WDR64: variants seen among roughly 807,000 people sequenced by gnomAD.
The protein encoded by WDR64 is WD repeat domain 64.
In WDR64, 112 loss-of-function variants were observed where a neutral mutation model predicts 139.3. The ratio of observed to expected loss-of-function variants is 0.80; its 90% CI spans 0.69 to 0.94. The LOEUF is 0.94. Among genes scored for constraint, WDR64 ranks in the 40% least tolerant of loss-of-function variants. WDR64 has a pLI of 0.00. For synonymous variants in WDR64, 444 were observed against 437.7 expected (o/e 1.01, Z -0.18); for missense variants, 1,206 against 1,293.1 (o/e 0.93, Z 1.03).
intron 8 of WDR64, among the ~76,000 whole-genome samples, chr1:241,690,568 C>T (rs1667180497): frequency 6.6e-6 from 1 of 152,030 alleles, no homozygotes; most frequent in Non-Finnish European, 1.5e-5. Flanking sequence ...CCTCAGAAAT[C>T]ATAAGCAAGA....
intron 25 of WDR64, among the ~76,000 whole-genome samples, chr1:241,794,743 G>A (rs981986630): frequency 6.6e-6 from 1 of 151,924 alleles, no homozygotes; most frequent in Non-Finnish European, 1.5e-5. Context: ...TTTTGACCTC[G>A]TGATCTGCCC....
intron 10 of WDR64, among the ~76,000 whole-genome samples, chr1:241,734,038 GA>G (rs1321975975): frequency 1.4e-4 from 21 of 152,164 alleles, no homozygotes; most frequent in Admixed American, 1.4e-3. Context: ...GTCAATCTGG[GA>G]ACTGCTTAGG....
chr1:241,763,148 A>C (rs1481035781), intron 15 of WDR64, among the ~76,000 whole-genome samples: 2 of 152,188 alleles, frequency 1.3e-5, no homozygotes, highest in Non-Finnish European at 2.9e-5. Flanking sequence ...ATTTATAGCT[A>C]ATAAAAACAG....
At chr1:241,764,574 G>C (rs1479947939) in intron 15 of WDR64, among the ~76,000 whole-genome samples, 1 of 151,938 alleles carries the variant, frequency 6.6e-6, no homozygotes, top group Non-Finnish European at 1.5e-5. Context: ...GGTGGGAGGA[G>C]TGCTTGAGCC....
Position 241,689,973 on chromosome 1 carries a change from G to A in WDR64, c.974+2378G>A, listed in dbSNP as rs187337031. Among the ~76,000 whole-genome samples the A allele has an allele frequency of 4.0e-3, 614 of 152,084 alleles. 4 individuals are homozygous for A. Among genetic ancestry groups the A allele is most frequent in the African/African-American group, 0.014 (585 of 41,492 alleles). On this transcript the variant is annotated intron_variant, in intron 8 of 27. Transcript: ENST00000437684. ...AAAACTGTGGGCAACTGTGAAAAGT[G>A]TAACATATGTGTGATGAGAACACCA... is the stretch of plus-strand genomic sequence containing the variant.
rs758183392 is a variant in WDR64, at chr1:241,683,519, C to CT, written c.658dup (p.Cys220LeufsTer12). On this transcript the variant is annotated frameshift_variant, in exon 7 of 28. Coordinates refer to ENST00000437684, the MANE Select transcript of WDR64 (RefSeq NM_001367482.1). LOFTEE classifies it high-confidence loss of function. ...ATTTTGTCATAAAACCAATGGATCA[C>CT]TGCCTCCTGTGTGTGTGTGTGGTGC... 7 of 1,551,602 alleles carry CT rather than the reference C, an allele frequency of 4.5e-6. No individual in the cohort carries two copies. The Admixed American group carries it at 1.4e-4, about 30-fold the overall frequency.
At chr1:241,673,556 C>T (rs1666326696) in intron 3 of WDR64, among the ~76,000 whole-genome samples, 1 of 152,182 alleles carries the variant, frequency 6.6e-6, no homozygotes, top group Non-Finnish European at 1.5e-5. Flanking sequence ...CAATTATATA[C>T]TACATGCGTA....
At chr1:241,682,137 C>T (rs1241780778) in intron 6 of WDR64, among the ~76,000 whole-genome samples, 1 of 152,096 alleles carries the variant, frequency 6.6e-6, no homozygotes, top group African/African-American at 2.4e-5. Flanking sequence ...TAATTAAGTC[C>T]CAGCTATTTA....
chr1:241,656,878 G>GTGTGTA lies in WDR64; in HGVS notation c.146-3647_146-3646insATGTGT, dbSNP rs71174827. Among the ~76,000 whole-genome samples the GTGTGTA allele has an allele frequency of 0.46, 62,616 of 136,156 alleles. 13,883 individuals carry two copies. The highest frequency in any genetic ancestry group is 0.54 in the South Asian group (2,123 of 3,944). The allele number at this position is 136,156 out of a possible 152,430, so 89.3% of individuals were successfully genotyped here. On this transcript the variant is annotated intron_variant, in intron 1 of 27. Transcript: ENST00000437684. This position sits in a 1 kb window ranked among gnomAD's most constrained non-coding sequence, Gnocchi z 4.3. ...CAAGTCTTTGCCAAATGTTGTGTGT[G>GTGTGTA]TGTGTGTGTGTGTGTGTGTGTGTGT...
At chr1:241,696,094 A>T in intron 8 of WDR64, among the ~76,000 whole-genome samples, 1 of 127,372 alleles carries the variant, frequency 7.9e-6, no homozygotes. Context: ...AGCCTGTGGA[A>T]TGGAATGAGA....
chr1:241,714,098 C>T (rs1020531384), intron 9 of WDR64, among the ~76,000 whole-genome samples: 2 of 152,146 alleles, frequency 1.3e-5, no homozygotes, highest in African/African-American at 4.8e-5. Context: ...GATGTCAGGG[C>T]TCCCTAGGCT....
intron 20 of WDR64, among the ~76,000 whole-genome samples, chr1:241,773,729 G>A (rs1176030575): frequency 1.3e-5 from 2 of 152,166 alleles, no homozygotes; most frequent in Admixed American, 6.5e-5. Context: ...GCCTCCCAAA[G>A]TGCTGCGATT....
At chr1:241,691,907 G>A (rs1027293652) in intron 8 of WDR64, among the ~76,000 whole-genome samples, 5 of 151,936 alleles carry the variant, frequency 3.3e-5, no homozygotes, top group Admixed American at 3.3e-4. Flanking sequence ...CAGCTACTTG[G>A]GAGACTGAGG....
chr1:241,795,301 T>A lies in WDR64; in HGVS notation c.3078+14T>A. ...CCTATATACAGTGTGAGTTGGAGTT[T>A]CTAGGAGTAGAGGGGTCACAGAACA... On this transcript the variant is annotated intron_variant, in intron 26 of 27. Transcript: ENST00000437684. 6.2e-7 allele frequency: 1 copy of A among 1,609,468 alleles called. No homozygotes were observed. The highest frequency in any genetic ancestry group is 2.2e-5 in the East Asian group (1 of 44,642).
At chr1:241,711,906 A>C (rs1574032267) in intron 9 of WDR64, 25 bp downstream of exon 9, 2 of 1,610,202 alleles carry the variant, frequency 1.2e-6, no homozygotes, top group East Asian at 4.5e-5. Context: ...CACATTACAT[A>C]GGGGTTTTCT....
At chr1:241,707,508 C>T (rs1196065548) in intron 8 of WDR64, among the ~76,000 whole-genome samples, 1 of 152,270 alleles carries the variant, frequency 6.6e-6, no homozygotes, top group East Asian at 1.9e-4. Flanking sequence ...AATTTTATAG[C>T]CAGCAACCTT....
chr1:241,727,981 C>T (rs975634901), intron 10 of WDR64, among the ~76,000 whole-genome samples: 2 of 152,028 alleles, frequency 1.3e-5, no homozygotes, highest in Non-Finnish European at 2.9e-5. Flanking sequence ...CCTGAATGAT[C>T]AGGGGAACCA....
chr1:241,766,850 T>C (rs1300378694), intron 16 of WDR64, among the ~76,000 whole-genome samples: 1 of 152,230 alleles, frequency 6.6e-6, no homozygotes, highest in Non-Finnish European at 1.5e-5. Context: ...TAAGGTGAAC[T>C]GTAAGCATCT....
At chr1:241,663,063 C>G (rs1448580914) in intron 2 of WDR64, among the ~76,000 whole-genome samples, 1 of 152,044 alleles carries the variant, frequency 6.6e-6, no homozygotes, top group African/African-American at 2.4e-5. Context: ...TTTCCATGAA[C>G]ACCAGCAATA....
Sources: allele counts gnomAD v4.1 joint callset (sites outside exome capture counted in the v4.1 genomes callset), GRCh38; gene constraint gnomAD v4.1.1; non-coding constraint Gnocchi (gnomAD v3.1); transcripts MANE v1.5; gene names NCBI Gene and HGNC (gene_info 2026-07-23, HGNC 2026-07-21).